Variants in AUH observed in about 807,000 individuals in gnomAD.
AUH encodes AU RNA binding methylglutaconyl-CoA hydratase, also known as methylglutaconyl-CoA hydratase, mitochondrial.
A neutral mutation model predicts 42.3 loss-of-function variants in AUH; 29 were observed. The observed-to-expected ratio is 0.69, with a 90% CI of 0.51 to 0.93. The LOEUF is 0.93. AUH is among the 40% of genes least tolerant of loss of function. The probability of loss-of-function intolerance (pLI) is 0.00; values close to 1 mark genes in which losing one functional copy is unlikely to be tolerated. For synonymous variants in AUH, 174 were observed against 166.4 expected, an observed-to-expected ratio of 1.05 and a Z score of -0.35; for missense variants, 452 against 438.1, an observed-to-expected ratio of 1.03 and a Z score of -0.28.
intron 1 of AUH, among the ~76,000 whole-genome samples, chr9:91,358,280 G>C (rs1832591130): frequency 6.6e-6 from 1 of 152,166 alleles, no homozygotes; most frequent in African/African-American, 2.4e-5. Context: ...GGGGAGTAAA[G>C]CTCATGAGTT....
intron 6 of AUH, among the ~76,000 whole-genome samples, chr9:91,221,212 G>C (rs987102249): frequency 6.6e-6 from 1 of 152,164 alleles, no homozygotes; most frequent in Non-Finnish European, 1.5e-5. Context: ...TCCTTATTAA[G>C]TGATTTTGGC....
chr9:91,310,325 G>C (rs1828604781), intron 4 of AUH, among the ~76,000 whole-genome samples: 1 of 152,230 alleles, frequency 6.6e-6, no homozygotes, highest in Non-Finnish European at 1.5e-5. Context: ...GAAAGGGATT[G>C]CAAGAGAAGG....
intron 3 of AUH, among the ~76,000 whole-genome samples, chr9:91,349,960 G>A (rs1268630064): frequency 6.6e-6 from 1 of 152,112 alleles, no homozygotes; most frequent in African/African-American, 2.4e-5. Flanking sequence ...AACCTGAAGG[G>A]TATGACTGTG....
chr9:91,340,330 T>C (rs1442738605), intron 3 of AUH, among the ~76,000 whole-genome samples: 1 of 152,104 alleles, frequency 6.6e-6, no homozygotes, highest in Non-Finnish European at 1.5e-5. Flanking sequence ...AGAAAAAAAA[T>C]TACCAAATGT....
chr9:91,288,778 A>G (rs1172211392), intron 6 of AUH, among the ~76,000 whole-genome samples: 4 of 152,108 alleles, frequency 2.6e-5, no homozygotes, highest in Non-Finnish European at 5.9e-5. Flanking sequence ...GTCATTTGAT[A>G]CTAAACAATA....
intron 6 of AUH, among the ~76,000 whole-genome samples, chr9:91,244,377 T>C (rs1237739516): frequency 6.6e-6 from 1 of 152,254 alleles, no homozygotes; most frequent in African/African-American, 2.4e-5. Context: ...TGGCCACCTG[T>C]AGACTTCCTA....
At chr9:91,233,131 GCAA>G (rs1827981798) in intron 6 of AUH, among the ~76,000 whole-genome samples, 1 of 152,118 alleles carries the variant, frequency 6.6e-6, no homozygotes, top group Non-Finnish European at 1.5e-5. Context: ...GGGAAGCCTC[GCAA>G]TAAAGAAAGA....
chr9:91,310,410 C>T (rs985957640), intron 4 of AUH, among the ~76,000 whole-genome samples: 1 of 152,164 alleles, frequency 6.6e-6, no homozygotes. Context: ...AGCCAATTTG[C>T]CCTCTCAATC....
chr9:91,251,189 A>G (rs1225334364), intron 6 of AUH, among the ~76,000 whole-genome samples: 1 of 152,150 alleles, frequency 6.6e-6, no homozygotes, highest in Non-Finnish European at 1.5e-5. Flanking sequence ...GGAGGTCGCC[A>G]TGTCCTCTCC....
chr9:91,248,625 GT>G lies in AUH; in HGVS notation c.656-27634del, dbSNP rs375651127. On this transcript the variant is annotated intron_variant, in intron 6 of 9. Coordinates refer to ENST00000375731, the MANE Select transcript of AUH (RefSeq NM_001698.3). ...CGTAAATCTTAAGCTTATAATACCA[GT>G]TTTTGTCCTCACTGTTTCATATCAA... Among the ~76,000 whole-genome samples, 322 of 152,276 alleles carry G rather than the reference GT, an allele frequency of 2.1e-3. 8 individuals carry two copies. In the East Asian group the frequency reaches 0.032, roughly 15 times the overall value.
intron 6 of AUH, chr9:91,294,891 T>G: frequency 2.5e-6 from 1 of 407,840 alleles, no homozygotes; most frequent in African/African-American, 2.0e-5. Context: ...AAAACTGGAA[T>G]GGATGGGGAG....
intron 3 of AUH, among the ~76,000 whole-genome samples, chr9:91,348,535 T>A (rs1831710348): frequency 6.6e-6 from 1 of 152,234 alleles, no homozygotes; most frequent in South Asian, 2.1e-4. Context: ...GAAACAGTCA[T>A]ACAATAAATA....
At chr9:91,307,411 T>C (rs1023397781) in intron 4 of AUH, among the ~76,000 whole-genome samples, 1 of 152,232 alleles carries the variant, frequency 6.6e-6, no homozygotes, top group Non-Finnish European at 1.5e-5. Flanking sequence ...TCTAAAATTA[T>C]AGTAGTCTCC....
chr9:91,222,905 G>GA (rs1827213391), intron 6 of AUH, among the ~76,000 whole-genome samples: 1 of 152,174 alleles, frequency 6.6e-6, no homozygotes, highest in Non-Finnish European at 1.5e-5. Flanking sequence ...TTATTCAACA[G>GA]AAACAACATT....
chr9:91,337,991 T>C (rs1047513690), intron 3 of AUH, among the ~76,000 whole-genome samples: 4 of 152,178 alleles, frequency 2.6e-5, no homozygotes, highest in Admixed American at 6.5e-5. Flanking sequence ...AACTTGTAAG[T>C]GCTTTCACTT....
intron 3 of AUH, among the ~76,000 whole-genome samples, chr9:91,353,770 G>A (rs1329519032): frequency 4.8e-4 from 62 of 128,336 alleles, no homozygotes; most frequent in Non-Finnish European, 3.5e-4. Flanking sequence ...CCCAGGAGCC[G>A]AGATCGTGCC....
rs76724931 is a variant in AUH at position 91,223,964 on chromosome 9, G to C, written c.656-2972C>G. 3.9e-5 allele frequency among the ~76,000 whole-genome samples: 6 copies of C among 152,214 alleles called. No individual in the cohort carries two copies. The South Asian group carries it at 1.2e-3, about 32-fold the overall frequency. ...TGATCACCAGACCAGATGACTCCTT[G>C]CCCCTCCCTAGTTCTTGTTTTCTTA... is the stretch of plus-strand genomic sequence containing the variant. On this transcript the variant is annotated intron_variant, in intron 6 of 9. Coordinates refer to ENST00000375731, the MANE Select transcript of AUH (RefSeq NM_001698.3).
chr9:91,219,143 C>T (rs571281442), intron 7 of AUH, among the ~76,000 whole-genome samples: 17 of 152,152 alleles, frequency 1.1e-4, no homozygotes, highest in Middle Eastern at 3.4e-3. Flanking sequence ...TCAGGCGGGG[C>T]GGTGTGTGGA....
chr9:91,337,840 T>C (rs1418657357), intron 3 of AUH, among the ~76,000 whole-genome samples: 2 of 152,188 alleles, frequency 1.3e-5, no homozygotes, highest in African/African-American at 2.4e-5. Context: ...TTGGTGGAGA[T>C]ATAAAATTAG....
Sources: gnomAD v4.1 joint callset for allele counts (sites outside exome capture counted in the v4.1 genomes callset) on GRCh38, gnomAD v4.1.1 for gene constraint, MANE v1.5 for transcripts, NCBI Gene and HGNC (gene_info 2026-07-23, HGNC 2026-07-21) for gene names.